C16orf89: variants seen among roughly 807,000 people sequenced by gnomAD.
The protein encoded by C16orf89 is UPF0764 protein C16orf89.
A neutral mutation model predicts 41.5 loss-of-function variants in C16orf89; 57 were observed. The ratio of observed to expected loss-of-function variants is 1.38; its 90% confidence interval spans 1.11 to 1.71. The LOEUF (loss-of-function observed/expected upper bound fraction) is 1.71, where lower values mean the gene tolerates loss of function less well. C16orf89 is among the 40% of genes most tolerant of loss of function. The pLI is 0.00. For missense variants in C16orf89, 575 were observed against 445.9 expected (o/e 1.29, Z -2.61); for synonymous variants, 223 against 190.6 (o/e 1.17, Z -1.40).
In C16orf89 at chr16:5,058,563, A is replaced by G. The variant is rs1956556182; in HGVS notation, c.557T>C (p.Leu186Pro). ...GCCTGAGCAGCCGGGCTTGGTCATGAGGCTCCTGCAGAGGTCTGAGAGGCC... is the reference window on the plus strand; with the variant it reads ...GCCTGAGCAGCCGGGCTTGGTCATGGGGCTCCTGCAGAGGTCTGAGAGGCC... The part of the protein sequence containing the change: ...PCGLSDLCRS[L>P]MTKPGCSGYC... The change falls in exon 4 of 8, where the codon CTC becomes CCC. Residue 186 changes from leucine to proline, a missense_variant. Leu to Pro is a moderately conservative substitution (Grantham distance 98). Transcript: ENST00000472572. 6.2e-7 allele frequency: 1 copy of G among 1,612,650 alleles called. No homozygotes were observed. The highest frequency in any genetic ancestry group is 8.5e-7 in the Non-Finnish European group (1 of 1,179,958).
At chr16:5,058,634 G>T in intron 3 of C16orf89, 24 bp from the exon 4 acceptor site, 2 of 1,565,052 alleles carry the variant, frequency 1.3e-6, no homozygotes, top group Non-Finnish European at 1.8e-6. Flanking sequence ...GTTCCAAGCT[G>T]TTAAGGATGG....
At chr16:5,061,504 A>AAGAAAC (rs1567159542) in intron 2 of C16orf89, among the ~76,000 whole-genome samples, 2 of 62,620 alleles carry the variant, frequency 3.2e-5, no homozygotes, top group African/African-American at 5.4e-5. Context: ...AAAAAAAAAA[A>AAGAAAC]CCCCCCCAAA....
intron 2 of C16orf89, 122 bp from the exon 3 acceptor site, chr16:5,060,558 AGCCCTGTCCCCT>A: frequency 1.9e-6 from 2 of 1,026,460 alleles, no homozygotes; most frequent in Non-Finnish European, 2.7e-6. Context: ...CAGGGCTCTA[AGCCCTGTCCCCT>A]GGTCCCAGAT....
intron 6 of C16orf89, among the ~76,000 whole-genome samples, chr16:5,050,590 C>G (rs1021227788): frequency 3.3e-5 from 5 of 152,270 alleles, no homozygotes; most frequent in African/African-American, 1.2e-4. Flanking sequence ...TCTTTTCAGT[C>G]TCGTCCAGAA....
At chr16:5,057,704 T>C (rs1327421693) in intron 4 of C16orf89, among the ~76,000 whole-genome samples, 1 of 151,820 alleles carries the variant, frequency 6.6e-6, no homozygotes, top group Non-Finnish European at 1.5e-5. Flanking sequence ...AATTTTTGTA[T>C]TTTTAGTAGA....
intron 4 of C16orf89, among the ~76,000 whole-genome samples, chr16:5,057,346 A>G (rs1043722577): frequency 4.8e-5 from 7 of 146,974 alleles, no homozygotes; most frequent in African/African-American, 1.5e-4. Context: ...ATATAGTGGT[A>G]TATATAGTGA....
chr16:5,044,779 G>C (rs1473966253), intron 7 of C16orf89: 3 of 1,155,556 alleles, frequency 2.6e-6, no homozygotes, highest in Admixed American at 2.7e-5. Context: ...AGGAGGCAAA[G>C]GTTGCAGTGA....
chr16:5,065,624 G>A (rs773470744), intron 1 of C16orf89, 77 bp downstream of exon 1: 24 of 1,461,894 alleles, frequency 1.6e-5, no homozygotes, highest in African/African-American at 2.8e-5. Context: ...CAGGTCCCAG[G>A]CGTACAGAGC....
intron 6 of C16orf89, among the ~76,000 whole-genome samples, chr16:5,051,872 G>C (rs991400242): frequency 6.6e-6 from 1 of 152,094 alleles, no homozygotes; most frequent in African/African-American, 2.4e-5. Context: ...GGTCGAGGTA[G>C]GCAGATCACT....
chr16:5,062,541 T>G lies in C16orf89; in HGVS notation c.242A>C (p.Gln81Pro), dbSNP rs1356559839. 6.2e-7 allele frequency: 1 copy of G among 1,613,342 alleles called. No individual in the cohort carries two copies. The highest frequency in any genetic ancestry group is 1.7e-5 in the Admixed American group (1 of 59,852). The change falls in exon 2 of 8, where the codon CAG becomes CCG. Residue 81 changes from glutamine (Q) to proline (P), a missense_variant. Physicochemically the swap from Gln to Pro is moderately conservative, Grantham distance 76. Coordinates refer to ENST00000472572, the MANE Select transcript of C16orf89 (RefSeq NM_001098514.3). Reference sequence around the variant, plus strand: ...GCTCAGCGGCTGCAGCAGGGGCTCCTGGGCCCACTTCTCCCGGACACTTTT... The same window carrying G: ...GCTCAGCGGCTGCAGCAGGGGCTCCGGGGCCCACTTCTCCCGGACACTTTT... ...QLKSVREKWA[Q>P]EPLLQPLSLR...
At chr16:5,061,557 T>A (rs74006408) in intron 2 of C16orf89, among the ~76,000 whole-genome samples, 1 of 146,886 alleles carries the variant, frequency 6.8e-6, no homozygotes, top group Non-Finnish European at 1.5e-5. Context: ...GGAGGTGATA[T>A]TGGTAGACCT....
chr16:5,056,357 A>C (rs1956504463), intron 4 of C16orf89, among the ~76,000 whole-genome samples, 169 bp from the exon 5 acceptor site: 1 of 152,206 alleles, frequency 6.6e-6, no homozygotes, highest in East Asian at 1.9e-4. Flanking sequence ...TTCCCCATGC[A>C]CACCCCCAGC....
chr16:5,056,902 A>T (rs1329829277), intron 4 of C16orf89, among the ~76,000 whole-genome samples: 2 of 152,274 alleles, frequency 1.3e-5, no homozygotes, highest in Admixed American at 1.3e-4. Flanking sequence ...ACTGAATCAC[A>T]TTGTTTTTTG....
intron 7 of C16orf89, among the ~76,000 whole-genome samples, chr16:5,047,449 G>C (rs1056904515): frequency 2.6e-5 from 4 of 151,134 alleles, no homozygotes; most frequent in Non-Finnish European, 5.9e-5. Flanking sequence ...AGTATCTCTT[G>C]GACTCCCCAC....
intron 1 of C16orf89, among the ~76,000 whole-genome samples, chr16:5,064,898 G>A (rs1385393109): frequency 1.3e-5 from 2 of 152,218 alleles, no homozygotes; most frequent in Non-Finnish European, 2.9e-5. Context: ...AATAATGGGT[G>A]TAACCTCAGG....
chr16:5,059,748 C>T (rs1956577820), intron 3 of C16orf89, among the ~76,000 whole-genome samples: 1 of 152,128 alleles, frequency 6.6e-6, no homozygotes, highest in South Asian at 2.1e-4. Flanking sequence ...TGGGGACAGG[C>T]TCATAATACA....
At chr16:5,044,918 C>T in intron 7 of C16orf89, 1 of 1,229,826 alleles carries the variant, frequency 8.1e-7, no homozygotes, top group South Asian at 1.4e-5. Flanking sequence ...TCGGTGCTCC[C>T]TTAGGCCCCT....
intron 4 of C16orf89, among the ~76,000 whole-genome samples, chr16:5,056,488 G>A (rs375747878): frequency 5.3e-5 from 8 of 152,310 alleles, no homozygotes; most frequent in African/African-American, 1.9e-4. Flanking sequence ...AACGGCACCA[G>A]AGGGGCTCTC....
rs759116202 is a variant in C16orf89, at chr16:5,065,952, G to A, written c.-44C>T. 1.1e-5 allele frequency: 18 copies of A among 1,602,370 alleles called. No homozygotes were observed. In the South Asian group the frequency reaches 1.6e-4, roughly 14 times the overall value. On this transcript the variant is annotated 5_prime_UTR_variant, in exon 1 of 8. Transcript: ENST00000472572. ...GCTGGTCACACGCTCAGCACCCTGA[G>A]CTCTGGCCAAGCCCAGACTGCCTCT...
Sources: allele counts gnomAD v4.1 joint callset (sites outside exome capture counted in the v4.1 genomes callset), GRCh38; gene constraint gnomAD v4.1.1; transcripts MANE v1.5; gene names NCBI Gene and HGNC (gene_info 2026-07-23, HGNC 2026-07-21).